The following SPAG16 variants were observed in gnomAD, a reference collection of about 807,000 sequenced individuals.
The protein encoded by SPAG16 is sperm associated antigen 16, also known as sperm-associated antigen 16 protein.
A neutral mutation model predicts 80.4 loss-of-function variants in SPAG16; 86 were observed. The ratio of observed to expected loss-of-function variants is 1.07; its 90% CI spans 0.90 to 1.28. SPAG16 has a LOEUF of 1.28. Among genes scored for constraint, SPAG16 ranks in the 50% most tolerant of loss-of-function variants. The pLI, the probability that SPAG16 is intolerant of heterozygous loss-of-function variation, is 0.00. For synonymous variants in SPAG16, 294 were observed against 265.9 expected (o/e 1.11, Z -1.03); for missense variants, 870 against 765.3 (o/e 1.14, Z -1.61).
chr2:213,931,321 T>C (rs1225062731), intron 12 of SPAG16, among the ~76,000 whole-genome samples: 1 of 152,168 alleles, frequency 6.6e-6, no homozygotes, highest in Non-Finnish European at 1.5e-5. Context: ...GAATAACATA[T>C]TTTAGACCTA....
chr2:213,385,345 G>A (rs1376334037), intron 9 of SPAG16, among the ~76,000 whole-genome samples: 1 of 152,258 alleles, frequency 6.6e-6, no homozygotes, highest in East Asian at 1.9e-4. Context: ...TTTCTAGGGT[G>A]TTAAGTTCTG....
intron 10 of SPAG16, among the ~76,000 whole-genome samples, chr2:213,562,232 C>A (rs1471221160): frequency 6.6e-6 from 1 of 152,132 alleles, no homozygotes; most frequent in African/African-American, 2.4e-5. Context: ...GAAGAAAGTT[C>A]ATGTGTTTCT....
At chr2:213,593,965 C>G (rs1188772871) in intron 10 of SPAG16, among the ~76,000 whole-genome samples, 1 of 150,774 alleles carries the variant, frequency 6.6e-6, no homozygotes, top group African/African-American at 2.4e-5. Flanking sequence ...TTAGTAGAGG[C>G]GGGTTTTCAC....
At chr2:213,575,110 T>A (rs55721834) in intron 10 of SPAG16, among the ~76,000 whole-genome samples, 1,902 of 152,284 alleles carry the variant, frequency 0.012, 37 homozygotes, top group African/African-American at 0.042. Context: ...AACACAATGC[T>A]ACTAGTATCT....
intron 10 of SPAG16, among the ~76,000 whole-genome samples, chr2:213,802,547 A>G (rs912501788): frequency 1.3e-5 from 2 of 152,170 alleles, no homozygotes; most frequent in African/African-American, 4.8e-5. Context: ...GTGAGAAAGA[A>G]TAGTTTCTTT....
At chr2:213,429,479 A>G (rs2125474250) in intron 9 of SPAG16, among the ~76,000 whole-genome samples, 1 of 152,294 alleles carries the variant, frequency 6.6e-6, no homozygotes, top group African/African-American at 2.4e-5. Context: ...TATAAACCCT[A>G]TTGCTATCAC....
intron 15 of SPAG16, among the ~76,000 whole-genome samples, chr2:214,274,883 C>T (rs1197828523): frequency 1.3e-5 from 2 of 152,180 alleles, no homozygotes; most frequent in Non-Finnish European, 2.9e-5. Context: ...ACCAGCTCCT[C>T]TTTGTACCTC....
chr2:213,470,748 G>T (rs945741927), intron 9 of SPAG16, among the ~76,000 whole-genome samples: 7 of 152,190 alleles, frequency 4.6e-5, no homozygotes, highest in Non-Finnish European at 1.0e-4. Flanking sequence ...GAGGCTGAGT[G>T]GTGTCCACAG....
At chr2:213,539,526 A>G (rs1475561416) in intron 10 of SPAG16, among the ~76,000 whole-genome samples, 5 of 152,128 alleles carry the variant, frequency 3.3e-5, no homozygotes, top group Non-Finnish European at 5.9e-5. Flanking sequence ...TCACTATAGA[A>G]TGTTTGTGTC....
chr2:213,610,222 T>C (rs1559306761), intron 10 of SPAG16, among the ~76,000 whole-genome samples: 1 of 152,168 alleles, frequency 6.6e-6, no homozygotes, highest in Non-Finnish European at 1.5e-5. Context: ...TTTTGAGAAG[T>C]TTGTTAAGAG....
chr2:213,630,200 A>G (rs186045421), intron 10 of SPAG16, among the ~76,000 whole-genome samples: 1 of 152,164 alleles, frequency 6.6e-6, no homozygotes, highest in South Asian at 2.1e-4. Flanking sequence ...CCTAGCGAAC[A>G]TGGTGAAACC....
intron 10 of SPAG16, among the ~76,000 whole-genome samples, chr2:213,736,766 G>A (rs750896896): frequency 3.3e-4 from 49 of 150,458 alleles, no homozygotes; most frequent in Non-Finnish European, 5.0e-4. Flanking sequence ...GTGCAATGGC[G>A]AGATCTCGGC....
At chr2:213,906,293 A>T (rs941216897) in intron 11 of SPAG16, among the ~76,000 whole-genome samples, 6 of 152,292 alleles carry the variant, frequency 3.9e-5, no homozygotes, top group Admixed American at 3.3e-4. Context: ...AATGGATAAG[A>T]TACCTAAGAA....
chr2:213,922,843 T>C lies in SPAG16; in HGVS notation c.1215-7117T>C, dbSNP rs957882646. ...TGTCTGCATGCCCGCATTTCTTCTG[T>C]TGGGCTTTCTGATCTATTGAGTTTC... is the stretch of plus-strand genomic sequence containing the variant. On this transcript the variant is annotated intron_variant, in intron 11 of 15. Coordinates refer to ENST00000331683, the MANE Select transcript of SPAG16 (RefSeq NM_024532.5). 2.4e-4 allele frequency among the ~76,000 whole-genome samples: 37 copies of C among 152,190 alleles called. 1 individual carries two copies. Among genetic ancestry groups the C allele is most frequent in the Non-Finnish European group, 1.5e-5 (1 of 68,048 alleles).
intron 15 of SPAG16, among the ~76,000 whole-genome samples, chr2:214,351,106 A>G (rs561067151): frequency 4.6e-5 from 7 of 152,300 alleles, no homozygotes; most frequent in African/African-American, 1.7e-4. Context: ...TCAATACACT[A>G]GAATAGATTT....
At chr2:214,365,166 G>A (rs1174180204) in intron 15 of SPAG16, among the ~76,000 whole-genome samples, 2 of 152,130 alleles carry the variant, frequency 1.3e-5, no homozygotes, top group Admixed American at 1.3e-4. Flanking sequence ...CAAGAGATAG[G>A]AAATACAAGA....
chr2:214,171,039 A>C (rs1431237759), intron 15 of SPAG16, among the ~76,000 whole-genome samples: 1 of 152,006 alleles, frequency 6.6e-6, no homozygotes, highest in African/African-American at 2.4e-5. Flanking sequence ...AAGGGTGTCT[A>C]GGCTCAGAAA....
intron 10 of SPAG16, among the ~76,000 whole-genome samples, chr2:213,719,436 A>G (rs1411666426): frequency 6.6e-6 from 1 of 152,220 alleles, no homozygotes; most frequent in Admixed American, 6.5e-5. Flanking sequence ...GAATCTCTGT[A>G]TCTAACTAAT....
chr2:214,391,099 T>C (rs1175734346), intron 15 of SPAG16, among the ~76,000 whole-genome samples: 1 of 152,134 alleles, frequency 6.6e-6, no homozygotes, highest in Admixed American at 6.5e-5. Context: ...GACAGGCTGT[T>C]TGCATATGGA....
Sources: gnomAD v4.1 joint callset for allele counts (sites outside exome capture counted in the v4.1 genomes callset) on GRCh38, gnomAD v4.1.1 for gene constraint, MANE v1.5 for transcripts, NCBI Gene and HGNC (gene_info 2026-07-23, HGNC 2026-07-21) for gene names.